The following PPP1R9A variants were observed in gnomAD, a reference collection of about 807,000 sequenced individuals.
PPP1R9A encodes the protein neurabin-1.
A neutral mutation model predicts 141.9 loss-of-function variants in PPP1R9A; 59 were observed. The observed-to-expected ratio is 0.42, with a 90% CI of 0.34 to 0.52. The LOEUF is 0.52. PPP1R9A is among the 20% of genes least tolerant of loss of function. The probability of loss-of-function intolerance (pLI) is 0.10; values close to 1 mark genes in which losing one functional copy is unlikely to be tolerated. For synonymous variants in PPP1R9A, 500 were observed against 569.7 expected (o/e 0.88, Z 1.74); for missense variants, 1,444 against 1,611.9 (o/e 0.90, Z 1.78).
intron 5 of PPP1R9A, among the ~76,000 whole-genome samples, chr7:95,162,944 A>G (rs2152717192): frequency 6.6e-6 from 1 of 152,300 alleles, no homozygotes; most frequent in Non-Finnish European, 1.5e-5. Flanking sequence ...TGTTTCTAGA[A>G]TATCCACAGT....
Position 94,975,356 on chromosome 7 carries a change from GTTTTTTTTTTTTT to G in PPP1R9A, c.1395+63863_1395+63875del, listed in dbSNP as rs68186534. Among the ~76,000 whole-genome samples the G allele has an allele frequency of 2.3e-4, 28 of 120,758 alleles. 1 individual carries two copies. Among genetic ancestry groups the G allele is most frequent in the East Asian group, 1.8e-3 (7 of 3,972 alleles). 79.2% of individuals were successfully genotyped at this position (120,758 alleles called of 152,430 possible). A position where few individuals can be genotyped will look rare whatever the true frequency, so the allele number is the denominator to read the frequency against. ...TCTGGACAGGCTGTAGTTTTTTTTTGTTTTTTTTTTTTTTTTTTTTTTTTTTTAAGGATTAAGA... is the reference window on the plus strand; with the variant it reads ...TCTGGACAGGCTGTAGTTTTTTTTTGTTTTTTTTTTTTTTAAGGATTAAGA... On this transcript the variant is annotated intron_variant, in intron 2 of 19. Transcript: ENST00000433360.
chr7:94,987,769 A>G (rs960494553), intron 2 of PPP1R9A, among the ~76,000 whole-genome samples: 6 of 152,184 alleles, frequency 3.9e-5, no homozygotes, highest in African/African-American at 1.4e-4. Flanking sequence ...TTTTGAAAAC[A>G]TGTTTAGAAT....
intron 2 of PPP1R9A, among the ~76,000 whole-genome samples, chr7:95,084,744 C>G (rs1426267739): frequency 6.6e-6 from 1 of 151,774 alleles, no homozygotes; most frequent in Non-Finnish European, 1.5e-5. Flanking sequence ...GAGCCATAGC[C>G]CACTTAGTTG....
At chr7:95,052,842 G>A (rs776756047) in intron 2 of PPP1R9A, among the ~76,000 whole-genome samples, 2 of 152,114 alleles carry the variant, frequency 1.3e-5, no homozygotes, top group African/African-American at 4.8e-5. Context: ...TTATGTGTCC[G>A]GTCAGTTGCC....
At chr7:95,141,916 A>G (rs1826768257) in intron 4 of PPP1R9A, among the ~76,000 whole-genome samples, 1 of 152,088 alleles carries the variant, frequency 6.6e-6, no homozygotes, top group African/African-American at 2.4e-5. Flanking sequence ...GGGTCATATA[A>G]TAACTATGTT....
intron 2 of PPP1R9A, among the ~76,000 whole-genome samples, chr7:95,058,197 G>A (rs1811750808): frequency 6.6e-6 from 1 of 152,122 alleles, no homozygotes. Flanking sequence ...AGATTGTTTA[G>A]TTGAATTTAT....
chr7:94,999,865 GATC>G (rs1411530686), intron 2 of PPP1R9A, among the ~76,000 whole-genome samples: 4 of 151,810 alleles, frequency 2.6e-5, no homozygotes, highest in Non-Finnish European at 4.4e-5. Context: ...GCAGTGGCAT[GATC>G]TTAGCTCTTG....
At chr7:95,179,223 A>G (rs552584234) in intron 5 of PPP1R9A, among the ~76,000 whole-genome samples, 5 of 152,256 alleles carry the variant, frequency 3.3e-5, no homozygotes, top group African/African-American at 9.6e-5. Flanking sequence ...CTTAACATAC[A>G]TAAGTGAATA....
intron 2 of PPP1R9A, among the ~76,000 whole-genome samples, chr7:95,087,436 G>A (rs1486389927): frequency 6.6e-6 from 1 of 152,030 alleles, no homozygotes; most frequent in Non-Finnish European, 1.5e-5. Flanking sequence ...TTCATTCACA[G>A]TACTATGGAA....
chr7:95,292,022 A>G lies in PPP1R9A; in HGVS notation c.*1719A>G, dbSNP rs1450270444. ...CCTGTTTTCTTTTCATTGCCAGAGT[A>G]TTGTCGGTTATGCGTCAGCTCTTTT... On this transcript the variant is annotated 3_prime_UTR_variant, in exon 20 of 20. Transcript: ENST00000433360. 12 of 152,036 alleles carry G rather than the reference A, an allele frequency of 7.9e-5. No individual in the cohort carries two copies. Among genetic ancestry groups the G allele is most frequent in the Admixed American group, 7.9e-4 (12 of 15,254 alleles). The allele number at this position is 152,036 out of a possible 1,614,324, so 9.4% of individuals were successfully genotyped here. A position where few individuals can be genotyped will look rare whatever the true frequency, so the allele number is the denominator to read the frequency against.
intron 17 of PPP1R9A, among the ~76,000 whole-genome samples, chr7:95,284,947 G>T: frequency 6.6e-6 from 1 of 152,186 alleles, no homozygotes; most frequent in East Asian, 1.9e-4. Flanking sequence ...AAACAGAAAC[G>T]TGATTAATGT....
At chr7:94,911,798 G>GT (rs1207062529) in intron 2 of PPP1R9A, among the ~76,000 whole-genome samples, 1 of 152,160 alleles carries the variant, frequency 6.6e-6, no homozygotes, top group Non-Finnish European at 1.5e-5. Flanking sequence ...TATGAGTATT[G>GT]TGAGTACTGA....
chr7:94,916,192 A>G (rs1792056291), intron 2 of PPP1R9A, among the ~76,000 whole-genome samples: 1 of 152,178 alleles, frequency 6.6e-6, no homozygotes, highest in South Asian at 2.1e-4. Flanking sequence ...TTTATTTACC[A>G]TCTATGATTA....
In PPP1R9A at chr7:95,231,687, G is replaced by A. The variant is rs539146177; in HGVS notation, c.2112+5571G>A. The stretch of plus-strand genomic sequence containing the variant: ...CAAGATGGAAATTTAAAAGTTATTC[G>A]AACTATATGATAATAGTGACACAAC... On this transcript the variant is annotated intron_variant, in intron 8 of 19. Coordinates refer to ENST00000433360, the MANE Select transcript of PPP1R9A (RefSeq NM_001166160.2). Among the ~76,000 whole-genome samples the A allele has an allele frequency of 9.2e-5, 14 of 152,078 alleles. No homozygotes were observed. The East Asian group carries it at 9.7e-4, about 11-fold the overall frequency.
chr7:95,070,595 A>ATATATATATATATATATATATATATATG (rs1813655777), intron 2 of PPP1R9A, among the ~76,000 whole-genome samples: 1 of 118,982 alleles, frequency 8.4e-6, no homozygotes, highest in Non-Finnish European at 1.9e-5. Flanking sequence ...AATCTCTGGT[A>ATATATATATATATATATATATATATATG]TATATATATA....
intron 4 of PPP1R9A, among the ~76,000 whole-genome samples, chr7:95,129,327 A>AT (rs1824150923): frequency 1.3e-5 from 2 of 152,102 alleles, no homozygotes; most frequent in South Asian, 4.1e-4. Flanking sequence ...AGATCTGATG[A>AT]TTTTAAAAAG....
At chr7:95,174,719 T>C (rs1032277285) in intron 5 of PPP1R9A, among the ~76,000 whole-genome samples, 1 of 152,152 alleles carries the variant, frequency 6.6e-6, no homozygotes, top group Admixed American at 6.6e-5. Context: ...TTTTAAAATA[T>C]TATTATTGAC....
At chr7:95,229,464 C>T (rs1037348696) in intron 8 of PPP1R9A, among the ~76,000 whole-genome samples, 3 of 151,804 alleles carry the variant, frequency 2.0e-5, no homozygotes, top group African/African-American at 7.3e-5. Context: ...CTCTGGGCTG[C>T]GTGGGAGCAG....
At chr7:94,954,025 C>T (rs1480428721) in intron 2 of PPP1R9A, among the ~76,000 whole-genome samples, 2 of 152,052 alleles carry the variant, frequency 1.3e-5, no homozygotes, top group Admixed American at 6.6e-5. Context: ...AGAGGGCATC[C>T]TTGTCTTGTG....
Sources: gnomAD v4.1 joint callset for allele counts (sites outside exome capture counted in the v4.1 genomes callset) on GRCh38, gnomAD v4.1.1 for gene constraint, MANE v1.5 for transcripts, NCBI Gene and HGNC (gene_info 2026-07-23, HGNC 2026-07-21) for gene names.